NUP153: variants seen among roughly 807,000 people sequenced by gnomAD.
The protein encoded by NUP153 is nucleoporin 153.
In NUP153, 27 loss-of-function variants were observed where a neutral mutation model predicts 134.6. The observed-to-expected ratio is 0.20, with a 90% CI of 0.15 to 0.28. The LOEUF (loss-of-function observed/expected upper bound fraction) is 0.28, where lower values mean the gene tolerates loss of function less well. NUP153 is among the 10% of genes least tolerant of loss of function. The probability of loss-of-function intolerance (pLI) is 1.00; values close to 1 mark genes in which losing one functional copy is unlikely to be tolerated. For missense variants in NUP153, 1,821 were observed against 1,731.3 expected, an observed-to-expected ratio of 1.05 and a Z score of -0.92; for synonymous variants, 640 against 623.5, an observed-to-expected ratio of 1.03 and a Z score of -0.40.
intron 14 of NUP153, among the ~76,000 whole-genome samples, chr6:17,645,180 T>C (rs900942610): frequency 6.6e-6 from 1 of 151,364 alleles, no homozygotes; most frequent in African/African-American, 2.4e-5. Context: ...GAGGCAGAGG[T>C]TGCAGTGAGC....
chr6:17,662,152 A>G lies in NUP153; in HGVS notation c.1216-82T>C, dbSNP rs1767228057. 8.1e-6 allele frequency: 10 copies of G among 1,236,632 alleles called. 1 individual carries two copies. In the South Asian group the frequency reaches 1.1e-4, roughly 14 times the overall value. The allele number at this position is 1,236,632 out of a possible 1,614,324, so 76.6% of individuals were successfully genotyped here. On this transcript the variant is annotated intron_variant, in intron 9 of 21. Coordinates refer to ENST00000262077, the MANE Select transcript of NUP153 (RefSeq NM_005124.4). ...ACCACCTTGCTTCCTATTAATTTTA[A>G]TATTTAGAATCAGGAATTTGATGGC...
At chr6:17,695,337 T>C (rs1363877732) in intron 1 of NUP153, among the ~76,000 whole-genome samples, 1 of 152,208 alleles carries the variant, frequency 6.6e-6, no homozygotes, top group Non-Finnish European at 1.5e-5. Flanking sequence ...CTCTTGAATT[T>C]GATTCTTCTG....
In NUP153 at chr6:17,688,463, G is replaced by C. The variant is rs150847776; in HGVS notation, c.267C>G (p.Ala89=). Residue 89 remains alanine (A), a synonymous_variant, in exon 2 of 22, where the codon GCC becomes GCG. Coordinates refer to ENST00000262077, the MANE Select transcript of NUP153 (RefSeq NM_005124.4). The part of the protein sequence containing the change: ...PENKEDHLVY[A]DEESSNITDG... ...CAGTAATATTAGAGCTCTCCTCATC[G>C]GCATATACCAGATGGTCCTCTTTAT... is the stretch of plus-strand genomic sequence containing the variant. 6.8e-6 allele frequency: 11 copies of C among 1,613,938 alleles called. No individual in the cohort carries two copies. The South Asian group carries it at 1.1e-4, about 16-fold the overall frequency.
At chr6:17,670,127 C>T (rs1488194212) in intron 5 of NUP153, among the ~76,000 whole-genome samples, 1 of 143,010 alleles carries the variant, frequency 7.0e-6, no homozygotes, top group Non-Finnish European at 1.5e-5. Context: ...AAAAGTACTA[C>T]ACGCTAGCTT....
At chr6:17,691,514 C>T (rs1408451761) in intron 1 of NUP153, among the ~76,000 whole-genome samples, 1 of 152,196 alleles carries the variant, frequency 6.6e-6, no homozygotes, top group Non-Finnish European at 1.5e-5. Flanking sequence ...CCTGTAATCT[C>T]AGCACTTTGG....
chr6:17,628,721 C>T lies in NUP153; in HGVS notation c.3478G>A (p.Glu1160Lys). ...TFSFSMTKPS[E>K]KESEQPAKAT... ...TTTGCTGGCTGTTCAGATTCCTTCT[C>T]AGATGGTTTTGTCATACTAAAACTA... Residue 1160 changes from glutamate (E) to lysine (K), a missense_variant, in exon 18 of 22, where the codon GAG (glutamate) becomes AAG (lysine). Coordinates refer to ENST00000262077, the MANE Select transcript of NUP153 (RefSeq NM_005124.4). This position sits in a 1 kb window ranked among gnomAD's most constrained non-coding sequence, Gnocchi z 5.4. The T allele has an allele frequency of 6.2e-7, 1 of 1,613,942 alleles. No individual in the cohort carries two copies. The highest frequency in any genetic ancestry group is 1.3e-5 in the African/African-American group (1 of 75,034).
At chr6:17,704,076 A>AGGTC (rs1245019655) in intron 1 of NUP153, among the ~76,000 whole-genome samples, 3 of 152,220 alleles carry the variant, frequency 2.0e-5, no homozygotes, top group Non-Finnish European at 4.4e-5. Context: ...GGAGATCACG[A>AGGTC]GGTCAGGAGA....
chr6:17,695,568 T>C (rs1310121150), intron 1 of NUP153, among the ~76,000 whole-genome samples: 1 of 152,192 alleles, frequency 6.6e-6, no homozygotes, highest in Non-Finnish European at 1.5e-5. Context: ...GAAGTTAACA[T>C]AAAAGCCGAC....
intron 11 of NUP153, chr6:17,651,748 C>A (rs1200668648): frequency 7.1e-6 from 3 of 424,026 alleles, no homozygotes; most frequent in Non-Finnish European, 1.3e-5. Flanking sequence ...CACTATGGAG[C>A]CATAGAATAA....
intron 14 of NUP153, among the ~76,000 whole-genome samples, chr6:17,643,470 A>ACC (rs986653027): frequency 1.3e-4 from 20 of 152,114 alleles, no homozygotes; most frequent in African/African-American, 4.8e-4. Flanking sequence ...TGCAACACCC[A>ACC]CCCCCAACCA....
chr6:17,636,194 G>T (rs1765540191), intron 16 of NUP153, among the ~76,000 whole-genome samples: 1 of 152,148 alleles, frequency 6.6e-6, no homozygotes, highest in Non-Finnish European at 1.5e-5. Context: ...AATTAGTTGG[G>T]TGTGGTGGCA....
rs200566929 is a variant in NUP153, at chr6:17,660,594, TTA to T, written c.1395+1057_1395+1058del. On this transcript the variant is annotated intron_variant, in intron 11 of 21. Coordinates refer to ENST00000262077, the MANE Select transcript of NUP153 (RefSeq NM_005124.4). ...TATTTCTTAATATACATATAAGAAATTATATATATATCCCTACAGGAAATAAC... is the reference window on the plus strand; with the variant it reads ...TATTTCTTAATATACATATAAGAAATTATATATATCCCTACAGGAAATAAC... 4.1e-3 allele frequency among the ~76,000 whole-genome samples: 614 copies of T among 151,510 alleles called. 2 individuals are homozygous for T. The highest frequency in any genetic ancestry group is 7.5e-3 in the Non-Finnish European group (509 of 67,876).
chr6:17,655,396 T>C (rs982869599), intron 11 of NUP153, among the ~76,000 whole-genome samples: 3 of 152,090 alleles, frequency 2.0e-5, no homozygotes, highest in Non-Finnish European at 2.9e-5. Context: ...CTCTTCCATG[T>C]CACTCTTCCA....
At chr6:17,685,010 G>T (rs2113845915) in intron 2 of NUP153, among the ~76,000 whole-genome samples, 1 of 152,272 alleles carries the variant, frequency 6.6e-6, no homozygotes, top group Non-Finnish European at 1.5e-5. Flanking sequence ...AATACTGCAA[G>T]AATTACCAAA....
chr6:17,680,841 T>C lies in NUP153; in HGVS notation c.335-5071A>G, dbSNP rs898692836. 1.3e-5 allele frequency among the ~76,000 whole-genome samples: 2 copies of C among 152,210 alleles called. No individual in the cohort carries two copies. Among genetic ancestry groups the C allele is most frequent in the African/African-American group, 2.4e-5 (1 of 41,446 alleles). Reference sequence around the variant, plus strand: ...GTTGTTGGTGGGAATTATCAATTAGTACAGCCATCATGGAGAACATCATTG... The same window carrying C: ...GTTGTTGGTGGGAATTATCAATTAGCACAGCCATCATGGAGAACATCATTG... On this transcript the variant is annotated intron_variant, in intron 2 of 21. Coordinates refer to ENST00000262077, the MANE Select transcript of NUP153 (RefSeq NM_005124.4). This position sits in a 1 kb window ranked among gnomAD's most constrained non-coding sequence, Gnocchi z 4.5.
At chr6:17,699,184 A>G (rs912277672) in intron 1 of NUP153, among the ~76,000 whole-genome samples, 2 of 91,574 alleles carry the variant, frequency 2.2e-5, no homozygotes, top group African/African-American at 7.4e-5. Flanking sequence ...AAATAGCTAC[A>G]AATAATTTTT....
At chr6:17,687,799 G>T (rs954139314) in intron 2 of NUP153, among the ~76,000 whole-genome samples, 1 of 152,072 alleles carries the variant, frequency 6.6e-6, no homozygotes, top group Non-Finnish European at 1.5e-5. Flanking sequence ...GGGCTTCATC[G>T]AAATTTAAAA....
chr6:17,630,586 C>A (rs959504959), intron 17 of NUP153, among the ~76,000 whole-genome samples: 1 of 151,974 alleles, frequency 6.6e-6, no homozygotes, highest in African/African-American at 2.4e-5. Flanking sequence ...TTGCTTGAGC[C>A]CGGGAGGTAG....
chr6:17,684,818 G>A (rs898878390), intron 2 of NUP153, among the ~76,000 whole-genome samples: 62 of 152,196 alleles, frequency 4.1e-4, no homozygotes, highest in Non-Finnish European at 8.8e-5. Flanking sequence ...AGAATAGGGA[G>A]GCCCAGAAAG....
Sources: gnomAD v4.1 joint callset for allele counts (sites outside exome capture counted in the v4.1 genomes callset) on GRCh38, gnomAD v4.1.1 for gene constraint, Gnocchi (gnomAD v3.1) non-coding constraint, MANE v1.5 for transcripts, NCBI Gene and HGNC (gene_info 2026-07-23, HGNC 2026-07-21) for gene names.